Variants in NME7 observed in about 807,000 individuals in gnomAD.
NME7 encodes nucleoside diphosphate kinase 7.
A neutral mutation model predicts 49.1 loss-of-function variants in NME7; 41 were observed. The ratio of observed to expected loss-of-function variants is 0.83; its 90% CI spans 0.65 to 1.08. The LOEUF (loss-of-function observed/expected upper bound fraction) is 1.08. Ranked by LOEUF, NME7 falls within the 50% of genes least tolerant of loss-of-function variation. The pLI, the probability that NME7 is intolerant of heterozygous loss-of-function variation, is 0.00. For missense variants in NME7, 423 were observed against 463.4 expected, an observed-to-expected ratio of 0.91 and a Z score of 0.80; for synonymous variants, 139 against 150.6, an observed-to-expected ratio of 0.92 and a Z score of 0.56.
At chr1:169,340,500 G>T (rs1242534945) in intron 1 of NME7, among the ~76,000 whole-genome samples, 1 of 152,222 alleles carries the variant, frequency 6.6e-6, no homozygotes, top group Non-Finnish European at 1.5e-5. Flanking sequence ...GCAGAGTGGG[G>T]TACTGCTATA....
At chr1:169,239,337 A>G (rs769615463) in intron 7 of NME7, among the ~76,000 whole-genome samples, 3 of 152,034 alleles carry the variant, frequency 2.0e-5, no homozygotes, top group Non-Finnish European at 2.9e-5. Flanking sequence ...GGTAGTGAAT[A>G]TAAGATATTT....
intron 1 of NME7, among the ~76,000 whole-genome samples, chr1:169,359,641 A>G (rs1051477150): frequency 6.6e-6 from 1 of 152,040 alleles, no homozygotes; most frequent in Non-Finnish European, 1.5e-5. Context: ...TTTCTACAAC[A>G]GAATAAGTTA....
At chr1:169,160,696 G>A (rs1227065718) in intron 11 of NME7, among the ~76,000 whole-genome samples, 1 of 152,080 alleles carries the variant, frequency 6.6e-6, no homozygotes, top group Non-Finnish European at 1.5e-5. Flanking sequence ...AGACAGGTTA[G>A]GTTTTACCAT....
intron 10 of NME7, among the ~76,000 whole-genome samples, chr1:169,227,345 T>C (rs1647385557): frequency 6.6e-6 from 1 of 152,142 alleles, no homozygotes; most frequent in Non-Finnish European, 1.5e-5. Flanking sequence ...CTAAGATAAG[T>C]TCTAATTCCT....
chr1:169,336,315 G>A (rs939996365), intron 1 of NME7, among the ~76,000 whole-genome samples: 1 of 152,108 alleles, frequency 6.6e-6, no homozygotes, highest in Admixed American at 6.6e-5. Context: ...AAAGAACAAA[G>A]CTTCCACAGT....
chr1:169,186,399 T>C (rs915438695), intron 10 of NME7, among the ~76,000 whole-genome samples: 1 of 152,208 alleles, frequency 6.6e-6, no homozygotes, highest in Non-Finnish European at 1.5e-5. Flanking sequence ...CTATGTACAA[T>C]ATATTTCATA....
At chr1:169,254,218 T>C (rs530613140) in intron 7 of NME7, among the ~76,000 whole-genome samples, 92 of 151,112 alleles carry the variant, frequency 6.1e-4, no homozygotes, top group African/African-American at 2.2e-3. Context: ...TGGTAAGCTA[T>C]TGATTCTTGC....
intron 7 of NME7, among the ~76,000 whole-genome samples, chr1:169,278,757 A>G (rs747335684): frequency 6.6e-5 from 10 of 151,978 alleles, no homozygotes; most frequent in African/African-American, 2.4e-4. Context: ...GAGGAGAGGC[A>G]CTCTGCTTTT....
chr1:169,141,900 A>T (rs1318115587), intron 11 of NME7, among the ~76,000 whole-genome samples: 1 of 152,236 alleles, frequency 6.6e-6, no homozygotes, highest in African/African-American at 2.4e-5. Flanking sequence ...AAATTGTGAA[A>T]GCATATGCTG....
chr1:169,240,748 T>C (rs1043840466), intron 7 of NME7, among the ~76,000 whole-genome samples: 19 of 152,102 alleles, frequency 1.2e-4, no homozygotes, highest in Admixed American at 1.3e-4. Flanking sequence ...TAAAAATTTG[T>C]TAATATCATC....
chr1:169,315,959 T>C (rs1341441685), intron 3 of NME7, among the ~76,000 whole-genome samples: 1 of 151,884 alleles, frequency 6.6e-6, no homozygotes, highest in Non-Finnish European at 1.5e-5. Flanking sequence ...ATAAAGAAAA[T>C]TGGTCAATAA....
intron 3 of NME7, among the ~76,000 whole-genome samples, chr1:169,315,260 C>CTT (rs934745427): frequency 7.0e-6 from 1 of 143,242 alleles, no homozygotes. Context: ...TTCTTTCTTT[C>CTT]TTTTTTTTTT....
At position 169,230,783 on chromosome 1, in the gene NME7, C is replaced by A; in HGVS notation, c.925G>T (p.Ala309Ser). 2 of 1,607,070 alleles carry A rather than the reference C, an allele frequency of 1.2e-6. No individual in the cohort carries two copies. Among genetic ancestry groups the A allele is most frequent in the Non-Finnish European group, 1.7e-6 (2 of 1,176,958 alleles). Residue 309 changes from alanine (A) to serine (S), a missense_variant, in exon 10 of 12, where the codon GCA becomes TCA. By Grantham distance (99) the Ala-to-Ser change is moderately conservative. Coordinates refer to ENST00000367811, the MANE Select transcript of NME7 (RefSeq NM_013330.5). ...GCATTATTCTGTTGAATCTCCATTG[C>A]TACACAAGGGCCAGAATACATTTCT... ...VTEMYSGPCV[A>S]MEIQQNNATK...
intron 10 of NME7, among the ~76,000 whole-genome samples, chr1:169,216,217 G>C (rs1195682665): frequency 6.6e-6 from 1 of 152,212 alleles, no homozygotes; most frequent in East Asian, 1.9e-4. Flanking sequence ...CACCACCCAG[G>C]TAGCTTCAGA....
intron 10 of NME7, among the ~76,000 whole-genome samples, chr1:169,177,990 C>A (rs944806729): frequency 2.6e-5 from 4 of 151,928 alleles, no homozygotes; most frequent in African/African-American, 7.3e-5. Flanking sequence ...GCGCCCGCCA[C>A]CACACCCAGC....
intron 7 of NME7, among the ~76,000 whole-genome samples, chr1:169,280,933 C>T (rs1048674773): frequency 1.3e-4 from 19 of 151,966 alleles, no homozygotes; most frequent in Admixed American, 3.3e-4. Context: ...GTCTTGGCTA[C>T]GCAGGCTCTT....
chr1:169,227,788 C>A (rs182341345), intron 10 of NME7, among the ~76,000 whole-genome samples: 87 of 152,252 alleles, frequency 5.7e-4, no homozygotes, highest in African/African-American at 1.9e-3. Flanking sequence ...GTTTCCAACA[C>A]ATGAACTTTT....
In NME7 at chr1:169,264,463, A is replaced by G. The variant is rs992621604; in HGVS notation, c.754+22840T>C. Among the ~76,000 whole-genome samples the G allele has an allele frequency of 6.7e-5, 9 of 133,926 alleles. 1 individual carries two copies. The highest frequency in any genetic ancestry group is 2.3e-4 in the African/African-American group (9 of 39,638). The allele number at this position is 133,926 out of a possible 152,430, so 87.9% of individuals were successfully genotyped here. A position where few individuals can be genotyped will look rare whatever the true frequency, so the allele number is the denominator to read the frequency against. On this transcript the variant is annotated intron_variant, in intron 7 of 11. Coordinates refer to ENST00000367811, the MANE Select transcript of NME7 (RefSeq NM_013330.5). ...TTGCAAGCCTAATTTCAGACCAAAC[A>G]ATCTTTAAGCCAAATAGATTTTTAA...
At chr1:169,315,397 G>T (rs1651582688) in intron 3 of NME7, among the ~76,000 whole-genome samples, 2 of 151,658 alleles carry the variant, frequency 1.3e-5, no homozygotes, top group Admixed American at 6.6e-5. Flanking sequence ...CCAAGCAGCT[G>T]GGACTATAGG....
Sources: allele counts gnomAD v4.1 joint callset (sites outside exome capture counted in the v4.1 genomes callset), GRCh38; gene constraint gnomAD v4.1.1; transcripts MANE v1.5; gene names NCBI Gene and HGNC (gene_info 2026-07-23, HGNC 2026-07-21).